The following CTNNA2 variants were observed in gnomAD, a reference collection of about 807,000 sequenced individuals.
CTNNA2 encodes the protein catenin alpha 2, also known as catenin alpha-2.
A neutral mutation model predicts 101.0 loss-of-function variants in CTNNA2; 42 were observed. That is an observed-to-expected ratio of 0.42 (90% CI 0.32 to 0.54). CTNNA2 has a LOEUF of 0.54. Ranked by LOEUF, CTNNA2 falls within the 20% of genes least tolerant of loss-of-function variation. The pLI, the probability that CTNNA2 is intolerant of heterozygous loss-of-function variation, is 0.14. For missense variants in CTNNA2, 871 were observed against 1,223.1 expected, an observed-to-expected ratio of 0.71 and a Z score of 4.29; for synonymous variants, 450 against 456.4, an observed-to-expected ratio of 0.99 and a Z score of 0.18.
At chr2:80,563,752 C>T (rs1232331856) in intron 12 of CTNNA2, among the ~76,000 whole-genome samples, 1 of 152,164 alleles carries the variant, frequency 6.6e-6, no homozygotes, top group Non-Finnish European at 1.5e-5. Context: ...AGTCCCCTTT[C>T]TAACCAGACC....
rs538870016 is a variant in CTNNA2 at position 79,907,599 on chromosome 2, G to A, written c.853-1995G>A. On this transcript the variant is annotated intron_variant, in intron 6 of 18. Transcript: ENST00000402739. Reference sequence around the variant, plus strand: ...TGCAGCCTCCACATGATTTTTTGACGCTCAACAGCTGTGCCTAAAACCAAG... The same window carrying A: ...TGCAGCCTCCACATGATTTTTTGACACTCAACAGCTGTGCCTAAAACCAAG... 5.9e-5 allele frequency among the ~76,000 whole-genome samples: 9 copies of A among 152,192 alleles called. No individual in the cohort carries two copies. The East Asian group carries it at 1.2e-3, about 20-fold the overall frequency.
At chr2:80,008,019 A>G (rs930711156) in intron 7 of CTNNA2, among the ~76,000 whole-genome samples, 1 of 152,170 alleles carries the variant, frequency 6.6e-6, no homozygotes, top group African/African-American at 2.4e-5. Context: ...ATGCTTTATG[A>G]ACTGTAAAAT....
At position 79,214,572 on chromosome 2, in the gene CTNNA2, C is replaced by T. The variant is rs184018291; in HGVS notation, c.-406+16496C>T. 6.8e-3 allele frequency among the ~76,000 whole-genome samples: 1,034 copies of T among 151,966 alleles called. 11 individuals are homozygous for T. The highest frequency in any genetic ancestry group is 0.02 in the African/African-American group (831 of 41,432). ...TATGGGATGGGATATTGGCATTGAG[C>T]GGGGTAAGGGTGATTAGGTTTTAAT... On this transcript the variant is annotated intron_variant, in intron 2 of 21. Coordinates refer to the CTNNA2 transcript ENST00000466387.
intron 3 of CTNNA2, among the ~76,000 whole-genome samples, chr2:79,814,503 T>A (rs1487404914): frequency 6.6e-6 from 1 of 152,036 alleles, no homozygotes; most frequent in Non-Finnish European, 1.5e-5. Context: ...CATTCCTGAG[T>A]TACTTCATTT....
chr2:80,299,279 A>T (rs575318808), intron 7 of CTNNA2: 1 of 152,190 alleles, frequency 6.6e-6, no homozygotes, highest in Non-Finnish European at 1.5e-5. Context: ...AAGCTTAAAG[A>T]TTAATTAATT....
At chr2:80,565,598 T>TAAAA (rs1376116042) in intron 12 of CTNNA2, among the ~76,000 whole-genome samples, 1 of 14,788 alleles carries the variant, frequency 6.8e-5, no homozygotes. Flanking sequence ...TTTTGCCTGG[T>TAAAA]AGAAACAGTG....
chr2:80,118,043 C>T (rs1349807442), intron 7 of CTNNA2, among the ~76,000 whole-genome samples: 2 of 152,120 alleles, frequency 1.3e-5, no homozygotes, highest in African/African-American at 4.8e-5. Flanking sequence ...GCTAAGAGCC[C>T]AAGTTCTTAA....
chr2:80,542,253 G>A (rs58062468), intron 9 of CTNNA2, among the ~76,000 whole-genome samples: 64,968 of 151,102 alleles, frequency 0.43, 14,095 homozygotes, highest in South Asian at 0.56. Context: ...ATATTTATGT[G>A]TATATATATA....
At chr2:79,303,559 C>CAAGAAACTT (rs1244294989) in intron 2 of CTNNA2, among the ~76,000 whole-genome samples, 1 of 152,042 alleles carries the variant, frequency 6.6e-6, no homozygotes, top group Non-Finnish European at 1.5e-5. Flanking sequence ...GTCCCTCTCA[C>CAAGAAACTT]AAGAAACTTA....
At chr2:79,620,429 T>C (rs1678921489) in intron 1 of CTNNA2, among the ~76,000 whole-genome samples, 1 of 152,356 alleles carries the variant, frequency 6.6e-6, no homozygotes, top group African/African-American at 2.4e-5. Flanking sequence ...TCACCTTATA[T>C]GTGAAATCCT....
chr2:79,387,171 A>C (rs72919147), intron 4 of CTNNA2, among the ~76,000 whole-genome samples: 12,023 of 152,190 alleles, frequency 0.079, 1,566 homozygotes, highest in African/African-American at 0.28. Flanking sequence ...AGATTCCTGG[A>C]CTAGTGCTCC....
chr2:80,188,950 T>G (rs1706299541), intron 7 of CTNNA2, among the ~76,000 whole-genome samples: 1 of 136,824 alleles, frequency 7.3e-6, no homozygotes, highest in South Asian at 2.6e-4. Context: ...GTCACTTTTT[T>G]TTTTTTTTTT....
chr2:80,044,115 G>A (rs1389497238), intron 7 of CTNNA2, among the ~76,000 whole-genome samples: 1 of 152,152 alleles, frequency 6.6e-6, no homozygotes, highest in Non-Finnish European at 1.5e-5. Flanking sequence ...TTTAAAATCT[G>A]TCCAGAGGAT....
intron 4 of CTNNA2, among the ~76,000 whole-genome samples, chr2:79,427,409 A>G (rs924893880): frequency 6.6e-6 from 1 of 151,986 alleles, no homozygotes; most frequent in African/African-American, 2.4e-5. Context: ...GTTACTAAAA[A>G]AACTCATTAA....
intron 7 of CTNNA2, among the ~76,000 whole-genome samples, chr2:80,075,217 G>C (rs893327480): frequency 6.6e-6 from 1 of 152,062 alleles, no homozygotes; most frequent in African/African-American, 2.4e-5. Context: ...CAAGATACCT[G>C]TATCCCATAT....
intron 7 of CTNNA2, among the ~76,000 whole-genome samples, chr2:80,038,041 A>G (rs1695782419): frequency 7.2e-6 from 1 of 138,210 alleles, no homozygotes; most frequent in South Asian, 2.3e-4. Context: ...TTGACTTTTA[A>G]TTTATACAAG....
intron 3 of CTNNA2, among the ~76,000 whole-genome samples, chr2:79,352,477 T>C (rs1158225991): frequency 6.6e-6 from 1 of 152,166 alleles, no homozygotes; most frequent in Non-Finnish European, 1.5e-5. Flanking sequence ...TTCTCTCTTT[T>C]TTTCTGTGTT....
intron 7 of CTNNA2, among the ~76,000 whole-genome samples, chr2:80,164,806 T>C (rs1704552883): frequency 6.6e-6 from 1 of 152,056 alleles, no homozygotes; most frequent in Admixed American, 6.6e-5. Context: ...TTAAAGAATA[T>C]TTTCATTGGA....
At chr2:80,433,872 A>G (rs368788118) in intron 9 of CTNNA2, among the ~76,000 whole-genome samples, 11 of 152,290 alleles carry the variant, frequency 7.2e-5, no homozygotes, top group South Asian at 4.1e-4. Flanking sequence ...TTTTCAGGGG[A>G]AAAACTGCTG....
Sources: allele counts gnomAD v4.1 joint callset (sites outside exome capture counted in the v4.1 genomes callset), GRCh38; gene constraint gnomAD v4.1.1; transcripts MANE v1.5; gene names NCBI Gene and HGNC (gene_info 2026-07-23, HGNC 2026-07-21).